The following ASIC2 variants were observed in gnomAD, a reference collection of about 807,000 sequenced individuals.
ASIC2 encodes the protein acid sensing ion channel subunit 2.
In ASIC2, 25 loss-of-function variants were observed where a neutral mutation model predicts 57.3. The observed-to-expected ratio is 0.44, with a 90% CI of 0.32 to 0.61. ASIC2 has a LOEUF of 0.61. ASIC2 is among the 20% of genes least tolerant of loss of function. The probability of loss-of-function intolerance (pLI) is 0.06; values close to 1 mark genes in which losing one functional copy is unlikely to be tolerated. For missense variants in ASIC2, 641 were observed against 738.1 expected (o/e 0.87, Z 1.52); for synonymous variants, 319 against 307.5 (o/e 1.04, Z -0.39).
At chr17:33,140,211 C>T (rs1054751786) in intron 1 of ASIC2, among the ~76,000 whole-genome samples, 6 of 152,218 alleles carry the variant, frequency 3.9e-5, no homozygotes, top group African/African-American at 7.2e-5. Flanking sequence ...GTAGCTGGCA[C>T]TCCCAGATTG....
At chr17:33,080,328 G>A (rs9906088) in intron 3 of ASIC2, among the ~76,000 whole-genome samples, 19,778 of 152,130 alleles carry the variant, frequency 0.13, 1,450 homozygotes, top group Middle Eastern at 0.27. Context: ...CCTGTCAACA[G>A]AGGCTGGGTT....
intron 1 of ASIC2, among the ~76,000 whole-genome samples, chr17:34,093,584 T>TA (rs1232405018): frequency 1.3e-5 from 2 of 152,218 alleles, no homozygotes; most frequent in Non-Finnish European, 2.9e-5. Context: ...TAGGACCTGA[T>TA]ACACTTTGAA....
Position 33,055,623 on chromosome 17 carries a change from C to A in ASIC2, c.988-27231G>T, listed in dbSNP as rs561088839. On this transcript the variant is annotated intron_variant, in intron 3 of 9. Transcript: ENST00000225823. ...AACTCCAGGGCTTAAGCGATCTTTC[C>A]TTTGGCAGTGTATTTCTACTAAGAA... 2.6e-5 allele frequency among the ~76,000 whole-genome samples: 4 copies of A among 152,274 alleles called. No individual in the cohort carries two copies. The South Asian group carries it at 8.3e-4, about 32-fold the overall frequency.
chr17:33,974,055 GTCT>G (rs1406689871), intron 1 of ASIC2, among the ~76,000 whole-genome samples: 1 of 151,934 alleles, frequency 6.6e-6, no homozygotes, highest in African/African-American at 2.4e-5. Flanking sequence ...CATTCACTCA[GTCT>G]TCTTCCCGGC....
Position 33,149,129 on chromosome 17 carries a change from AAAAC to A in ASIC2, c.709-37066_709-37063del, listed in dbSNP as rs796156522. On this transcript the variant is annotated intron_variant, in intron 1 of 9. Coordinates refer to ENST00000225823, the MANE Select transcript of ASIC2 (RefSeq NM_183377.2). ...AACAAAAACAAAAACAAAAAAACAA[AAAAC>A]AAACTTGACATATATCTTTTCTGAC... Among the ~76,000 whole-genome samples, 64 of 152,274 alleles carry A rather than the reference AAAAC, an allele frequency of 4.2e-4. 1 individual carries two copies. The highest frequency in any genetic ancestry group is 1.4e-3 in the African/African-American group (58 of 41,558).
intron 1 of ASIC2, among the ~76,000 whole-genome samples, chr17:33,766,615 A>G (rs1346715833): frequency 6.6e-6 from 1 of 152,206 alleles, no homozygotes; most frequent in African/African-American, 2.4e-5. Context: ...GTAATGTAGC[A>G]TCCTAAATGT....
intron 1 of ASIC2, among the ~76,000 whole-genome samples, chr17:34,033,593 T>C (rs953479863): frequency 6.6e-5 from 10 of 152,028 alleles, no homozygotes; most frequent in Non-Finnish European, 2.9e-5. Context: ...TTTGAAAAGA[T>C]CAACGAAATT....
intron 1 of ASIC2, among the ~76,000 whole-genome samples, chr17:33,251,687 GTA>G (rs1277472883): frequency 1.3e-5 from 2 of 152,152 alleles, no homozygotes; most frequent in Non-Finnish European, 2.9e-5. Context: ...GAAGGTGCAA[GTA>G]CCAATTTTTC....
chr17:33,211,348 G>A (rs948314883), intron 1 of ASIC2, among the ~76,000 whole-genome samples: 1 of 152,218 alleles, frequency 6.6e-6, no homozygotes. Context: ...GTCAGCCATG[G>A]AGGGGGCATT....
At chr17:33,591,940 G>A (rs1297549551) in intron 1 of ASIC2, among the ~76,000 whole-genome samples, 2 of 152,102 alleles carry the variant, frequency 1.3e-5, no homozygotes, top group Admixed American at 6.5e-5. Flanking sequence ...AGCTAACCTA[G>A]GTCATCTGCC....
At chr17:33,580,466 T>G (rs1024725067) in intron 1 of ASIC2, among the ~76,000 whole-genome samples, 2 of 152,166 alleles carry the variant, frequency 1.3e-5, no homozygotes, top group African/African-American at 4.8e-5. Flanking sequence ...CAAATGATGT[T>G]ACTTGTAGAT....
At chr17:33,379,010 G>A (rs891569866) in intron 1 of ASIC2, among the ~76,000 whole-genome samples, 5 of 152,194 alleles carry the variant, frequency 3.3e-5, no homozygotes, top group African/African-American at 1.2e-4. Context: ...CCAGTACATA[G>A]GGAGCATACT....
chr17:34,054,178 A>G lies in ASIC2; in HGVS notation c.555+101800T>C, dbSNP rs570917384. ...CTAACAACAGGTACATGGATTGATT[A>G]GCCAAATTATTCCCATTGCTTCTCT... On this transcript the variant is annotated intron_variant, in intron 1 of 9. Transcript: ENST00000359872. Among the ~76,000 whole-genome samples, 53 of 152,382 alleles carry G rather than the reference A, an allele frequency of 3.5e-4. 1 individual carries two copies. The highest frequency in any genetic ancestry group is 1.6e-3 in the Admixed American group (24 of 15,308).
chr17:34,113,598 C>T (rs1346739312), intron 1 of ASIC2, among the ~76,000 whole-genome samples: 2 of 151,234 alleles, frequency 1.3e-5, no homozygotes, highest in African/African-American at 4.9e-5. Context: ...GAAAATTAAG[C>T]CAGGCGTGGT....
chr17:33,798,978 C>A (rs1912001158), intron 1 of ASIC2, among the ~76,000 whole-genome samples: 1 of 152,192 alleles, frequency 6.6e-6, no homozygotes. Flanking sequence ...GTGTGGGACC[C>A]AGCCATCTCT....
chr17:34,087,786 C>G (rs1910167303), intron 1 of ASIC2, among the ~76,000 whole-genome samples: 1 of 151,466 alleles, frequency 6.6e-6, no homozygotes, highest in African/African-American at 2.4e-5. Context: ...TCATTTCATT[C>G]ATTTCATCTT....
intron 1 of ASIC2, among the ~76,000 whole-genome samples, chr17:33,191,014 G>T (rs1050006826): frequency 6.6e-6 from 1 of 152,146 alleles, no homozygotes; most frequent in Non-Finnish European, 1.5e-5. Flanking sequence ...TCATGCAAAG[G>T]CTTGTACATG....
intron 1 of ASIC2, chr17:34,070,149 A>G (rs1216997759): frequency 6.6e-6 from 1 of 152,068 alleles, no homozygotes; most frequent in Admixed American, 6.5e-5. Context: ...ATGGACATAA[A>G]TTCCTCAGTG....
At chr17:33,822,895 T>C (rs766506204) in intron 1 of ASIC2, among the ~76,000 whole-genome samples, 1 of 152,250 alleles carries the variant, frequency 6.6e-6, no homozygotes, top group Non-Finnish European at 1.5e-5. Flanking sequence ...AATGGAAAGC[T>C]TGATCATAAA....
Sources: gnomAD v4.1 joint callset for allele counts (sites outside exome capture counted in the v4.1 genomes callset) on GRCh38, gnomAD v4.1.1 for gene constraint, MANE v1.5 for transcripts, NCBI Gene and HGNC (gene_info 2026-07-23, HGNC 2026-07-21) for gene names.